HELZ: variants seen among roughly 807,000 people sequenced by gnomAD.
HELZ encodes ATP-dependent RNA helicase with zinc finger domain.
HELZ carries 23 observed loss-of-function variants against 218.2 expected under a neutral mutation model. That is an observed-to-expected ratio of 0.11 (90% confidence interval 0.08 to 0.15). The LOEUF (loss-of-function observed/expected upper bound fraction) is 0.15. HELZ is among the 10% of genes least tolerant of loss of function. HELZ has a pLI of 1.00. For missense variants in HELZ, 1,813 were observed against 2,353.7 expected (o/e 0.77, Z 4.75); for synonymous variants, 814 against 829.4 (o/e 0.98, Z 0.32).
At chr17:67,210,937 T>C (rs145888618) in intron 5 of HELZ, among the ~76,000 whole-genome samples, 193 of 152,264 alleles carry the variant, frequency 1.3e-3, no homozygotes, top group African/African-American at 4.2e-3. Context: ...AAGTTTCCTA[T>C]ATAATGACTA....
chr17:67,167,597 A>T lies in HELZ; in HGVS notation c.1630T>A (p.Leu544Ile), dbSNP rs1393408962. The T allele has an allele frequency of 1.9e-6, 3 of 1,614,084 alleles. No individual in the cohort carries two copies. The South Asian group carries it at 3.3e-5, about 18-fold the overall frequency. Residue 544 changes from leucine (L) to isoleucine (I), a missense_variant, in exon 14 of 33, where the codon TTA (leucine) becomes ATA (isoleucine). Physicochemically the swap from Leu to Ile is conservative, Grantham distance 5 (BLOSUM62 2). This residue lies in a region of HELZ where 714 missense variants were observed against 1,029.2 expected (regional missense o/e 0.69). Transcript: ENST00000358691. ...TCTTTGGTTCCCTGGGTCTGTACTA[A>T]CTTCTGTTTAGGGACTGGTAATAAA... is the stretch of plus-strand genomic sequence containing the variant. The part of the protein sequence containing the change: ...VYLLPVPKQK[L>I]VQTQGTKEKV...
intron 3 of HELZ, among the ~76,000 whole-genome samples, chr17:67,236,939 C>A (rs1285743859): frequency 1.3e-5 from 2 of 152,138 alleles, no homozygotes; most frequent in African/African-American, 4.8e-5. Context: ...CCTATACTAA[C>A]CCAAACCCCA....
At chr17:67,132,565 C>T (rs7211427) in intron 23 of HELZ, among the ~76,000 whole-genome samples, 3,449 of 152,174 alleles carry the variant, frequency 0.023, 128 homozygotes, top group African/African-American at 0.076. Context: ...TCAGGCTGCC[C>T]ATTTAAAATG....
intron 3 of HELZ, among the ~76,000 whole-genome samples, chr17:67,226,678 A>C (rs2040901196): frequency 6.6e-6 from 1 of 152,214 alleles, no homozygotes; most frequent in Admixed American, 6.5e-5. Context: ...AACTATGTTC[A>C]CACAAAGATC....
intron 31 of HELZ, among the ~76,000 whole-genome samples, chr17:67,104,713 AT>A (rs996605307): frequency 1.3e-5 from 2 of 152,132 alleles, no homozygotes; most frequent in African/African-American, 4.8e-5. Context: ...AAAAATAACC[AT>A]TTTTTTAAAT....
At chr17:67,139,417 A>G (rs2038253568) in intron 21 of HELZ, among the ~76,000 whole-genome samples, 1 of 152,160 alleles carries the variant, frequency 6.6e-6, no homozygotes, top group South Asian at 2.1e-4. Flanking sequence ...GTGGGGATAG[A>G]TGAGTTGGGA....
At chr17:67,232,052 CAAAAAAAAAAAAA>C (rs754429326) in intron 3 of HELZ, among the ~76,000 whole-genome samples, 5 of 42,484 alleles carry the variant, frequency 1.2e-4, no homozygotes, top group South Asian at 9.1e-4. Context: ...GACTCCATCT[CAAAAAAAAAAAAA>C]AAAAAAAAAA....
intron 3 of HELZ, among the ~76,000 whole-genome samples, chr17:67,223,001 A>G (rs999501361): frequency 2.7e-5 from 4 of 150,592 alleles, no homozygotes; most frequent in African/African-American, 7.3e-5. Flanking sequence ...TAATCCCAGC[A>G]CTTTGGGAGG....
Position 67,108,357 on chromosome 17 carries a change from G to T in HELZ, c.4724+135C>A. On this transcript the variant is annotated intron_variant, in intron 30 of 32. Transcript: ENST00000358691. The surrounding 1 kb of genome is among the most constrained non-coding windows in gnomAD (Gnocchi z 4.1). Reference sequence around the variant, plus strand: ...ATTTTAGAGTCAACAAGAGAACTGTGTAGCGTGTGCTTGGAAGGCCAGCAT... The same window carrying T: ...ATTTTAGAGTCAACAAGAGAACTGTTTAGCGTGTGCTTGGAAGGCCAGCAT... The T allele has an allele frequency of 1.5e-6, 1 of 672,662 alleles. No individual in the cohort carries two copies. The highest frequency in any genetic ancestry group is 2.6e-6 in the Non-Finnish European group (1 of 379,122). The allele number at this position is 672,662 out of a possible 1,614,324, so 41.7% of individuals were successfully genotyped here.
At position 67,089,696 on chromosome 17, in the gene HELZ, G is replaced by GAGAGAGAGAGAGAGAGAGAGAGAC. The variant is rs34752223; in HGVS notation, c.5242-2616_5242-2615insGTCTCTCTCTCTCTCTCTCTCTCT. ...AGAGAGAGAGAGAGAGAGAGAGAGAGAGAGACAGAGAGACAGAGAGAGAGA... is the reference window on the plus strand; with the variant it reads ...AGAGAGAGAGAGAGAGAGAGAGAGAGAGAGAGAGAGAGAGAGAGAGAGACAGAGACAGAGAGACAGAGAGAGAGA... On this transcript the variant is annotated intron_variant, in intron 31 of 32. Coordinates refer to ENST00000358691, the MANE Select transcript of HELZ (RefSeq NM_014877.4). 2.5e-3 allele frequency among the ~76,000 whole-genome samples: 311 copies of GAGAGAGAGAGAGAGAGAGAGAGAC among 122,416 alleles called. 1 individual carries two copies. The highest frequency in any genetic ancestry group is 3.8e-3 in the Non-Finnish European group (223 of 59,086). 80.3% of individuals were successfully genotyped at this position (122,416 alleles called of 152,430 possible).
chr17:67,097,851 A>C (rs1252125521), intron 31 of HELZ, among the ~76,000 whole-genome samples: 1 of 152,234 alleles, frequency 6.6e-6, no homozygotes, highest in Non-Finnish European at 1.5e-5. Flanking sequence ...TAATTATTAA[A>C]ACTAAATAAA....
In HELZ at chr17:67,167,517, C is replaced by T; in HGVS notation, c.1710G>A (p.Arg570=). Residue 570 remains arginine, a synonymous_variant, in exon 14 of 33, where the codon AGG becomes AGA. Coordinates refer to ENST00000358691, the MANE Select transcript of HELZ (RefSeq NM_014877.4). ...EEKTKEYIFL[R]LSRECCEELN... ...GTTCTTCACAGCATTCCCTAGATAGCCTTAAAAATATATATTCCTTTGTTT... is the reference window on the plus strand; with the variant it reads ...GTTCTTCACAGCATTCCCTAGATAGTCTTAAAAATATATATTCCTTTGTTT... The T allele has an allele frequency of 6.2e-7, 1 of 1,613,838 alleles. No individual in the cohort carries two copies. Among genetic ancestry groups the T allele is most frequent in the Admixed American group, 1.7e-5 (1 of 60,002 alleles).
chr17:67,220,806 T>C (rs1598447087), intron 3 of HELZ, among the ~76,000 whole-genome samples: 1 of 150,508 alleles, frequency 6.6e-6, no homozygotes, highest in Non-Finnish European at 1.5e-5. Flanking sequence ...CTAACACTTT[T>C]AATATAAAAA....
At position 67,148,573 on chromosome 17, in the gene HELZ, T is replaced by C. The variant is rs569447492; in HGVS notation, c.2617A>G (p.Ile873Val). Residue 873 changes from isoleucine (I) to valine (V), a missense_variant, in exon 20 of 33, where the codon ATC (isoleucine) becomes GTC (valine). Physicochemically the swap from Ile to Val is conservative, Grantham distance 29 (BLOSUM62 3). Coordinates refer to ENST00000358691, the MANE Select transcript of HELZ (RefSeq NM_014877.4). Reference sequence around the variant, plus strand: ...GAGGGGGCAGTTCACACCTACTTGATGATAGCTTCATGGGAGCGGTAGTTC... The same window carrying C: ...GAGGGGGCAGTTCACACCTACTTGACGATAGCTTCATGGGAGCGGTAGTTC... ...CENYRSHEAI[I>V]NYTSELFYEG... 4.3e-6 allele frequency: 7 copies of C among 1,612,282 alleles called. No homozygotes were observed. In the East Asian group the frequency reaches 1.6e-4, roughly 36 times the overall value.
chr17:67,158,517 C>A (rs778801134), intron 17 of HELZ, among the ~76,000 whole-genome samples: 1 of 152,082 alleles, frequency 6.6e-6, no homozygotes, highest in African/African-American at 2.4e-5. Context: ...AACACCTTTC[C>A]CAAAGAGAAA....
chr17:67,229,101 G>C (rs1377359295), intron 3 of HELZ, among the ~76,000 whole-genome samples: 1 of 152,196 alleles, frequency 6.6e-6, no homozygotes, highest in Non-Finnish European at 1.5e-5. Flanking sequence ...CAAGGCCCTG[G>C]TAAGCCAGTG....
At chr17:67,121,423 G>T (rs1249550442) in intron 26 of HELZ, among the ~76,000 whole-genome samples, 1 of 152,176 alleles carries the variant, frequency 6.6e-6, no homozygotes, top group East Asian at 1.9e-4. Flanking sequence ...AGAAATAACT[G>T]CTAAAATCCA....
Position 67,128,841 on chromosome 17 carries a change from C to T in HELZ, c.3197G>A (p.Arg1066Gln), listed in dbSNP as rs746384667. Reference protein sequence around the residue: ...SIGRCRKFWERFIALCHENSS... With the variant: ...SIGRCRKFWEQFIALCHENSS... ...GTTTTCATGACACAGGGCAATAAAC[C>T]GTTCCCAAAATTTCCTACAGAAAAG... is the stretch of plus-strand genomic sequence containing the variant. Residue 1066 changes from arginine to glutamine, a missense_variant, in exon 24 of 33, where the codon CGG (arginine) becomes CAG (glutamine). By Grantham distance (43) the Arg-to-Gln change is conservative. Around this residue, in one of 4 missense-constraint regions of HELZ, gnomAD observed 156 missense variants for 274.4 expected, o/e 0.57. Transcript: ENST00000358691. 20 of 1,613,494 alleles carry T rather than the reference C, an allele frequency of 1.2e-5. No homozygotes were observed. The highest frequency in any genetic ancestry group is 4.0e-5 in the African/African-American group (3 of 74,860).
At chr17:67,119,925 T>C (rs945736836) in intron 27 of HELZ, 1 of 420,722 alleles carries the variant, frequency 2.4e-6, no homozygotes, top group Non-Finnish European at 4.6e-6. Context: ...CAATTTTGTG[T>C]CTGTGTACAT....
Sources: allele counts gnomAD v4.1 joint callset (sites outside exome capture counted in the v4.1 genomes callset), GRCh38; gene constraint gnomAD v4.1.1; regional missense constraint gnomAD v4.1.1; non-coding constraint Gnocchi (gnomAD v3.1); transcripts MANE v1.5; gene names NCBI Gene and HGNC (gene_info 2026-07-23, HGNC 2026-07-21).